The following PKD1L1 variants were observed in gnomAD, a reference collection of about 807,000 sequenced individuals.
PKD1L1 encodes polycystin-1-like protein 1.
In PKD1L1, 236 loss-of-function variants were observed where a neutral mutation model predicts 323.4. The observed-to-expected ratio is 0.73, with a 90% confidence interval of 0.66 to 0.81. The LOEUF is 0.81. PKD1L1 is among the 40% of genes least tolerant of loss of function. The pLI is 0.00. For missense variants in PKD1L1, 3,320 were observed against 3,508.0 expected, an observed-to-expected ratio of 0.95 and a Z score of 1.35; for synonymous variants, 1,344 against 1,335.0, an observed-to-expected ratio of 1.01 and a Z score of -0.15.
chr7:47,781,037 T>C (rs1320373822), intron 56 of PKD1L1, among the ~76,000 whole-genome samples: 2 of 152,230 alleles, frequency 1.3e-5, no homozygotes, highest in Non-Finnish European at 2.9e-5. Context: ...ATGAGTGATG[T>C]GGTCTTTGCA....
chr7:47,864,143 T>C (rs915316242), intron 26 of PKD1L1, among the ~76,000 whole-genome samples: 1 of 152,142 alleles, frequency 6.6e-6, no homozygotes, highest in Non-Finnish European at 1.5e-5. Context: ...CCTGCACCCA[T>C]GCAGGCTAGG....
chr7:47,913,118 A>C (rs1020542021), intron 8 of PKD1L1, among the ~76,000 whole-genome samples: 3 of 152,152 alleles, frequency 2.0e-5, no homozygotes, highest in Non-Finnish European at 2.9e-5. Flanking sequence ...ATGGAAAGAC[A>C]ACCAGATTCC....
At chr7:47,791,699 G>C (rs1170909267) in intron 56 of PKD1L1, among the ~76,000 whole-genome samples, 2 of 152,138 alleles carry the variant, frequency 1.3e-5, no homozygotes, top group Non-Finnish European at 2.9e-5. Context: ...TTCTTCCCTG[G>C]GTTGTTGTGA....
chr7:47,785,441 A>G (rs1016254189), intron 56 of PKD1L1, among the ~76,000 whole-genome samples: 8 of 152,192 alleles, frequency 5.3e-5, no homozygotes, highest in Non-Finnish European at 1.2e-4. Context: ...AAGTGTTAAT[A>G]GTCTCTATTA....
chr7:47,924,429 C>T (rs1787618354), intron 7 of PKD1L1, among the ~76,000 whole-genome samples: 2 of 152,252 alleles, frequency 1.3e-5, no homozygotes, highest in Non-Finnish European at 2.9e-5. Flanking sequence ...AAAATCAGAT[C>T]TTTAGGTTTC....
At chr7:47,922,825 G>T (rs1562991799) in intron 7 of PKD1L1, among the ~76,000 whole-genome samples, 1 of 152,248 alleles carries the variant, frequency 6.6e-6, no homozygotes, top group Non-Finnish European at 1.5e-5. Flanking sequence ...CCGCCACCCT[G>T]TCTGGGAGGT....
Position 47,815,970 on chromosome 7 carries a change from C to T in PKD1L1, c.6966-513G>A, listed in dbSNP as rs372254796. On this transcript the variant is annotated intron_variant, in intron 46 of 56. Transcript: ENST00000289672. ...AAGACCTGAAGGTGAGGGTGGAGCC[C>T]GTGGTCATCTGAGAGAGGGTATTAA... Among the ~76,000 whole-genome samples the T allele has an allele frequency of 1.1e-4, 16 of 152,220 alleles. No individual in the cohort carries two copies. In the East Asian group the frequency reaches 1.4e-3, roughly 13 times the overall value.
chr7:47,925,185 TATC>T lies in PKD1L1; in HGVS notation c.1060+4016_1060+4018del, dbSNP rs369340747. Among the ~76,000 whole-genome samples the T allele has an allele frequency of 2.6e-3, 388 of 151,832 alleles. 3 individuals are homozygous for T. The highest frequency in any genetic ancestry group is 0.014 in the Middle Eastern group (4 of 294). On this transcript the variant is annotated intron_variant, in intron 7 of 56. Transcript: ENST00000289672. ...TAATACAATAGTGCAAAAAATAAAA[TATC>T]ATACAAGAAACAGGTAAATTCTACA...
chr7:47,822,435 A>T (rs1011123684), intron 45 of PKD1L1, among the ~76,000 whole-genome samples: 1 of 22,346 alleles, frequency 4.5e-5, no homozygotes, highest in Non-Finnish European at 9.8e-5. Context: ...CTAAAAATAC[A>T]AAAAAAAAAA....
At chr7:47,794,694 C>G (rs997659421) in intron 55 of PKD1L1, among the ~76,000 whole-genome samples, 2 of 152,174 alleles carry the variant, frequency 1.3e-5, no homozygotes, top group Non-Finnish European at 2.9e-5. Context: ...CCTGGAAAAG[C>G]CACAGACACT....
At chr7:47,948,106 C>G (rs560010003) in intron 1 of PKD1L1, among the ~76,000 whole-genome samples, 4 of 152,284 alleles carry the variant, frequency 2.6e-5, no homozygotes, top group African/African-American at 9.6e-5. Context: ...AGAAAGTCCT[C>G]GAACTTGGAA....
intron 31 of PKD1L1, among the ~76,000 whole-genome samples, chr7:47,848,983 C>T (rs1785723405): frequency 6.6e-6 from 1 of 152,190 alleles, no homozygotes; most frequent in Admixed American, 6.5e-5. Context: ...CAGCATGCTA[C>T]TGGCATAGAA....
intron 51 of PKD1L1, among the ~76,000 whole-genome samples, chr7:47,808,717 G>T (rs1275136091): frequency 2.0e-5 from 3 of 152,126 alleles, no homozygotes; most frequent in Non-Finnish European, 2.9e-5. Context: ...GCATCGAAAA[G>T]ATACAGTAAA....
At chr7:47,906,377 A>G (rs77265547) in intron 9 of PKD1L1, among the ~76,000 whole-genome samples, 3,826 of 152,296 alleles carry the variant, frequency 0.025, 152 homozygotes, top group African/African-American at 0.087. Context: ...GATTGTGCAT[A>G]TATGTATATA....
intron 51 of PKD1L1, 67 bp downstream of exon 51, chr7:47,809,406 A>T (rs570482626): frequency 3.7e-4 from 460 of 1,235,030 alleles, no homozygotes; most frequent in Non-Finnish European, 4.9e-4. Context: ...TCTTATTTAA[A>T]TTATTTTTTC....
intron 3 of PKD1L1, among the ~76,000 whole-genome samples, chr7:47,939,484 C>T (rs921211964): frequency 1.3e-5 from 2 of 152,182 alleles, no homozygotes; most frequent in East Asian, 3.9e-4. Context: ...GCATGTCTCA[C>T]TCAGAAGTTT....
At chr7:47,937,585 T>G (rs990926169) in intron 3 of PKD1L1, among the ~76,000 whole-genome samples, 6 of 152,082 alleles carry the variant, frequency 3.9e-5, no homozygotes, top group Admixed American at 3.9e-4. Context: ...GTTGCGGTAC[T>G]GAAGAGAGCC....
At chr7:47,811,170 TTTAG>T (rs1460137061) in intron 50 of PKD1L1, among the ~76,000 whole-genome samples, 1 of 150,734 alleles carries the variant, frequency 6.6e-6, no homozygotes, top group African/African-American at 2.5e-5. Flanking sequence ...TTTTTTTTTT[TTTAG>T]ACGGAGTCTT....
At chr7:47,842,815 T>C in intron 34 of PKD1L1, 147 bp downstream of exon 34, 1 of 720,890 alleles carries the variant, frequency 1.4e-6, no homozygotes, top group Non-Finnish European at 2.2e-6. Flanking sequence ...GGGAGGGCAG[T>C]GGAAAGGGCG....
Sources: gnomAD v4.1 joint callset for allele counts (sites outside exome capture counted in the v4.1 genomes callset) on GRCh38, gnomAD v4.1.1 for gene constraint, MANE v1.5 for transcripts, NCBI Gene and HGNC (gene_info 2026-07-23, HGNC 2026-07-21) for gene names.